Variants in SLC9A9 observed in about 807,000 individuals in gnomAD.
SLC9A9 encodes sodium/hydrogen exchanger 9.
A neutral mutation model predicts 77.8 loss-of-function variants in SLC9A9; 62 were observed. The ratio of observed to expected loss-of-function variants is 0.80; its 90% CI spans 0.65 to 0.98. SLC9A9 has a LOEUF of 0.98. SLC9A9 is among the 50% of genes least tolerant of loss of function. The pLI, the probability that SLC9A9 is intolerant of heterozygous loss-of-function variation, is 0.00. For synonymous variants in SLC9A9, 320 were observed against 283.5 expected (o/e 1.13, Z -1.29); for missense variants, 775 against 774.9 (o/e 1.00, Z 0.00).
At chr3:143,544,440 G>A (rs3948212) in intron 9 of SLC9A9, among the ~76,000 whole-genome samples, 29,866 of 151,948 alleles carry the variant, frequency 0.2, 2,978 homozygotes, top group Non-Finnish European at 0.22. Flanking sequence ...TGTTAGCCAG[G>A]ATGGTCTCGA....
chr3:143,290,696 AACT>A (rs1266411997), intron 14 of SLC9A9, among the ~76,000 whole-genome samples: 6 of 152,242 alleles, frequency 3.9e-5, no homozygotes, highest in Non-Finnish European at 8.8e-5. Context: ...CATGGCAGAC[AACT>A]ACGTTAATAG....
At chr3:143,502,401 T>C (rs2035937114) in intron 9 of SLC9A9, among the ~76,000 whole-genome samples, 1 of 152,198 alleles carries the variant, frequency 6.6e-6, no homozygotes, top group African/African-American at 2.4e-5. Flanking sequence ...TTAATCTAGT[T>C]AGCAAACCAT....
intron 12 of SLC9A9, among the ~76,000 whole-genome samples, chr3:143,429,931 A>T (rs2034480329): frequency 6.6e-6 from 1 of 152,204 alleles, no homozygotes; most frequent in African/African-American, 2.4e-5. Flanking sequence ...GTTACTTTAC[A>T]GATGAAGAAA....
intron 7 of SLC9A9, among the ~76,000 whole-genome samples, chr3:143,575,135 T>A (rs1047288845): frequency 1.3e-5 from 2 of 152,242 alleles, no homozygotes; most frequent in African/African-American, 4.8e-5. Context: ...CAGCAGTATA[T>A]TAACCTCTCT....
chr3:143,713,034 A>G (rs906565809), intron 4 of SLC9A9, among the ~76,000 whole-genome samples: 1 of 152,184 alleles, frequency 6.6e-6, no homozygotes, highest in Non-Finnish European at 1.5e-5. Context: ...CCCAAACAGA[A>G]GATGGTAAAG....
At chr3:143,598,327 GT>G (rs1432163198) in intron 6 of SLC9A9, among the ~76,000 whole-genome samples, 1 of 152,196 alleles carries the variant, frequency 6.6e-6, no homozygotes, top group Non-Finnish European at 1.5e-5. Context: ...AAGCCCAGAT[GT>G]AATGGCACTC....
chr3:143,417,010 A>G (rs938190997), intron 12 of SLC9A9, among the ~76,000 whole-genome samples: 1 of 152,044 alleles, frequency 6.6e-6, no homozygotes, highest in African/African-American at 2.4e-5. Context: ...GATAAAGAAG[A>G]GGTAGTTATT....
In SLC9A9 at chr3:143,789,913, G is replaced by A. The variant is rs139082114; in HGVS notation, c.533+5088C>T. Among the ~76,000 whole-genome samples the A allele has an allele frequency of 1.2e-4, 19 of 152,232 alleles. 1 individual carries two copies. In the East Asian group the frequency reaches 3.7e-3, roughly 29 times the overall value. On this transcript the variant is annotated intron_variant, in intron 4 of 15. Transcript: ENST00000316549. ...AACCTCATAATATTTATAAATCCAT[G>A]TTTTCCTGAGTGAGTTACCGAGTCC... is the stretch of plus-strand genomic sequence containing the variant.
intron 12 of SLC9A9, among the ~76,000 whole-genome samples, chr3:143,409,486 A>G (rs576145374): frequency 7.2e-5 from 11 of 152,238 alleles, no homozygotes; most frequent in African/African-American, 2.7e-4. Flanking sequence ...TGCTGCCAGT[A>G]TTCAATGTTT....
chr3:143,798,789 C>T (rs1038510779), intron 2 of SLC9A9, among the ~76,000 whole-genome samples: 2 of 152,128 alleles, frequency 1.3e-5, no homozygotes, highest in African/African-American at 2.4e-5. Flanking sequence ...CCTCCCTAGT[C>T]TCTGTTCCCA....
chr3:143,627,236 T>C (rs1357796654), intron 6 of SLC9A9: 1 of 154,630 alleles, frequency 6.5e-6, no homozygotes, highest in Non-Finnish European at 1.4e-5. Flanking sequence ...GCACGTGTTT[T>C]TGAGAGAAGT....
At chr3:143,644,073 C>T (rs1318701211) in intron 6 of SLC9A9, among the ~76,000 whole-genome samples, 1 of 151,848 alleles carries the variant, frequency 6.6e-6, no homozygotes, top group Non-Finnish European at 1.5e-5. Context: ...GAGGCTAGCA[C>T]TCAGAGACAA....
chr3:143,526,536 C>T (rs919374824), intron 9 of SLC9A9, among the ~76,000 whole-genome samples: 4 of 152,028 alleles, frequency 2.6e-5, no homozygotes, highest in African/African-American at 4.8e-5. Flanking sequence ...GAAGAAAGGC[C>T]CCCTCCTGTC....
intron 13 of SLC9A9, among the ~76,000 whole-genome samples, chr3:143,370,105 G>C (rs966651065): frequency 6.6e-6 from 1 of 152,146 alleles, no homozygotes; most frequent in Non-Finnish European, 1.5e-5. Context: ...TAGAAACTTT[G>C]AGATAATAAA....
At chr3:143,368,849 C>T (rs1456215560) in intron 13 of SLC9A9, among the ~76,000 whole-genome samples, 1 of 152,154 alleles carries the variant, frequency 6.6e-6, no homozygotes, top group Non-Finnish European at 1.5e-5. Context: ...GAAGAGGGAA[C>T]ACAGTATATA....
At chr3:143,423,248 T>TACACGC (rs2034340095) in intron 12 of SLC9A9, among the ~76,000 whole-genome samples, 8 of 143,836 alleles carry the variant, frequency 5.6e-5, no homozygotes, top group African/African-American at 2.1e-4. Context: ...CACGCGCGTG[T>TACACGC]ACACACACAC....
chr3:143,348,211 A>G (rs1252647788), intron 14 of SLC9A9, among the ~76,000 whole-genome samples: 1 of 152,028 alleles, frequency 6.6e-6, no homozygotes. Flanking sequence ...TGTTGCCAGG[A>G]TGGTCTTGAT....
chr3:143,842,681 C>T (rs1287822239), intron 1 of SLC9A9, among the ~76,000 whole-genome samples: 1 of 152,226 alleles, frequency 6.6e-6, no homozygotes, highest in Non-Finnish European at 1.5e-5. Context: ...CATAGCCAGT[C>T]CTCACTATTA....
At chr3:143,481,606 G>T (rs984078806) in intron 11 of SLC9A9, among the ~76,000 whole-genome samples, 1 of 152,200 alleles carries the variant, frequency 6.6e-6, no homozygotes, top group Non-Finnish European at 1.5e-5. Context: ...ACCATGAATT[G>T]AGATTATGTT....
Sources: allele counts gnomAD v4.1 joint callset (sites outside exome capture counted in the v4.1 genomes callset), GRCh38; gene constraint gnomAD v4.1.1; transcripts MANE v1.5; gene names NCBI Gene and HGNC (gene_info 2026-07-23, HGNC 2026-07-21).